SPIRE1: variants seen among roughly 807,000 people sequenced by gnomAD.
SPIRE1 encodes protein spire homolog 1.
In SPIRE1, 40 loss-of-function variants were observed where a neutral mutation model predicts 94.1. The observed-to-expected ratio is 0.43, with a 90% confidence interval of 0.33 to 0.55. SPIRE1 has a LOEUF of 0.55. Among genes scored for constraint, SPIRE1 ranks in the 20% least tolerant of loss-of-function variants. SPIRE1 has a pLI of 0.06. For synonymous variants in SPIRE1, 376 were observed against 371.7 expected, an observed-to-expected ratio of 1.01 and a Z score of -0.13; for missense variants, 838 against 975.2, an observed-to-expected ratio of 0.86 and a Z score of 1.87.
intron 8 of SPIRE1, among the ~76,000 whole-genome samples, 171 bp downstream of exon 8, chr18:12,492,901 T>C (rs2033288959): frequency 6.6e-6 from 1 of 151,940 alleles, no homozygotes; most frequent in South Asian, 2.1e-4. Context: ...GGTATGTATA[T>C]GAGAGAGTGA....
intron 4 of SPIRE1, among the ~76,000 whole-genome samples, chr18:12,531,634 T>C (rs369156605): frequency 1.9e-4 from 29 of 152,264 alleles, no homozygotes; most frequent in African/African-American, 6.5e-4. Context: ...ACAGGATTGT[T>C]ACAAGGATCA....
At chr18:12,466,369 C>T (rs1279064662) in intron 10 of SPIRE1, among the ~76,000 whole-genome samples, 3 of 152,030 alleles carry the variant, frequency 2.0e-5, no homozygotes, top group African/African-American at 2.4e-5. Flanking sequence ...CTCCGCCTCC[C>T]GGGCTCAAGC....
chr18:12,530,644 CAG>C (rs1259166197), intron 4 of SPIRE1, among the ~76,000 whole-genome samples: 1 of 152,042 alleles, frequency 6.6e-6, no homozygotes, highest in Non-Finnish European at 1.5e-5. Context: ...GATGAGTAAA[CAG>C]AAGTCTTGCA....
chr18:12,549,392 C>A (rs1269660088), intron 2 of SPIRE1, among the ~76,000 whole-genome samples: 1 of 150,142 alleles, frequency 6.7e-6, no homozygotes, highest in African/African-American at 2.4e-5. Flanking sequence ...CCATATAACC[C>A]TCCCCTTCTT....
chr18:12,595,712 AAGG>A (rs999566136), intron 2 of SPIRE1, among the ~76,000 whole-genome samples: 27 of 152,366 alleles, frequency 1.8e-4, no homozygotes, highest in African/African-American at 6.3e-4. Context: ...CTTGCCCTCA[AAGG>A]GCTCACAGCC....
At chr18:12,500,362 T>C (rs991303420) in intron 6 of SPIRE1, among the ~76,000 whole-genome samples, 1 of 152,124 alleles carries the variant, frequency 6.6e-6, no homozygotes, top group African/African-American at 2.4e-5. Context: ...TGAAAACATA[T>C]ATGACATTGT....
At chr18:12,522,982 T>C (rs552503668) in intron 4 of SPIRE1, among the ~76,000 whole-genome samples, 1 of 152,304 alleles carries the variant, frequency 6.6e-6, no homozygotes, top group East Asian at 1.9e-4. Context: ...AACTACATTT[T>C]GTAAGGCTAT....
At chr18:12,457,801 G>A (rs2031585399) in intron 12 of SPIRE1, among the ~76,000 whole-genome samples, 1 of 150,366 alleles carries the variant, frequency 6.7e-6, no homozygotes, top group Admixed American at 6.6e-5. Context: ...TTTGGTTATT[G>A]TGCCACAGAG....
intron 10 of SPIRE1, among the ~76,000 whole-genome samples, chr18:12,476,559 AAAAAAATAT>A (rs1318951227): frequency 2.5e-5 from 2 of 80,628 alleles, no homozygotes; most frequent in East Asian, 4.2e-4. Context: ...AAAAAAAAAA[AAAAAAATAT>A]ATATATATAT....
chr18:12,463,469 G>A lies in SPIRE1; in HGVS notation c.1520C>T (p.Ser507Leu). Residue 507 changes from serine (S) to leucine (L), a missense_variant, in exon 12 of 17, where the codon TCA (serine) becomes TTA (leucine). This residue lies in a region of SPIRE1 where 645 missense variants were observed against 804.7 expected (regional missense o/e 0.80). Coordinates refer to ENST00000409402, the MANE Select transcript of SPIRE1 (RefSeq NM_001128626.2). Reference sequence around the variant, plus strand: ...CCGTCTCTCTGGCTGGGGTGTTGATGATATGGGCAGGAATTTTGGAGGCTC... The same window carrying A: ...CCGTCTCTCTGGCTGGGGTGTTGATAATATGGGCAGGAATTTTGGAGGCTC... Reference protein sequence around the residue: ...RKKPPKFLPISSTPQPERRQP... With the variant: ...RKKPPKFLPILSTPQPERRQP... The A allele has an allele frequency of 6.2e-7, 1 of 1,613,558 alleles. No homozygotes were observed. Among genetic ancestry groups the A allele is most frequent in the Non-Finnish European group, 8.5e-7 (1 of 1,179,734 alleles).
chr18:12,506,554 T>C lies in SPIRE1; in HGVS notation c.895A>G (p.Ile299Val), dbSNP rs2033841185. ...TCATAAGGGGTGAGCTGATATTCAA[T>C]GGGCAAAGGGTTGTACTGCCGCTCT... ...VQERQYNPLP[I>V]EYQLTPYEML... is the part of the protein sequence containing the mutation. Residue 299 changes from isoleucine to valine, a missense_variant, in exon 6 of 17, where the codon ATT becomes GTT. Ile to Val is a conservative substitution (Grantham distance 29, BLOSUM62 3). Around this residue, in one of 2 missense-constraint regions of SPIRE1, gnomAD observed 645 missense variants for 804.7 expected, o/e 0.80. Transcript: ENST00000409402. 3 of 1,613,940 alleles carry C rather than the reference T, an allele frequency of 1.9e-6. No homozygotes were observed. Among genetic ancestry groups the C allele is most frequent in the Admixed American group, 1.7e-5 (1 of 59,988 alleles).
intron 2 of SPIRE1, among the ~76,000 whole-genome samples, chr18:12,582,765 C>T (rs1323252651): frequency 6.6e-6 from 1 of 152,168 alleles, no homozygotes; most frequent in South Asian, 2.1e-4. Flanking sequence ...TTCCAATGAT[C>T]AGCTGTTCAT....
chr18:12,464,141 CT>C (rs2143618309), intron 11 of SPIRE1, among the ~76,000 whole-genome samples: 1 of 152,270 alleles, frequency 6.6e-6, no homozygotes, highest in East Asian at 1.9e-4. Flanking sequence ...TATGATCCAT[CT>C]ATTTAGACTG....
intron 10 of SPIRE1, among the ~76,000 whole-genome samples, chr18:12,473,977 G>A (rs1484320675): frequency 2.6e-5 from 4 of 152,164 alleles, no homozygotes; most frequent in Non-Finnish European, 4.4e-5. Context: ...ATAAGATCAC[G>A]TATATATACA....
intron 10 of SPIRE1, 22 bp from the exon 11 acceptor site, chr18:12,464,980 A>G (rs1332423845): frequency 1.2e-6 from 2 of 1,608,236 alleles, no homozygotes; most frequent in Non-Finnish European, 1.7e-6. Flanking sequence ...ACAGGTGGAG[A>G]AATCGACTTC....
At chr18:12,638,329 A>G (rs953712185) in intron 1 of SPIRE1, among the ~76,000 whole-genome samples, 1 of 152,176 alleles carries the variant, frequency 6.6e-6, no homozygotes, top group Non-Finnish European at 1.5e-5. Context: ...CTGTAGTCCC[A>G]GCTACTCAGG....
rs57030414 is a variant in SPIRE1, at chr18:12,539,587, G to GCACACA, written c.604-3992_604-3987dup. Reference sequence around the variant, plus strand: ...CTTAAACATACACATACACACACACGCACACACACACACACACACACACAC... The same window carrying GCACACA: ...CTTAAACATACACATACACACACACGCACACACACACACACACACACACACACACAC... On this transcript the variant is annotated intron_variant, in intron 3 of 16. Transcript: ENST00000409402. Among the ~76,000 whole-genome samples the GCACACA allele has an allele frequency of 4.9e-3, 675 of 139,098 alleles. 6 individuals carry two copies. The highest frequency in any genetic ancestry group is 0.016 in the African/African-American group (616 of 38,804). The allele number at this position is 139,098 out of a possible 152,430, so 91.3% of individuals were successfully genotyped here. A position where few individuals can be genotyped will look rare whatever the true frequency, so the allele number is the denominator to read the frequency against.
At chr18:12,624,451 C>A (rs2037563537) in intron 2 of SPIRE1, among the ~76,000 whole-genome samples, 1 of 142,766 alleles carries the variant, frequency 7.0e-6, no homozygotes, top group Admixed American at 7.2e-5. Flanking sequence ...GCTGAGGCAG[C>A]AGAATTACTT....
intron 2 of SPIRE1, among the ~76,000 whole-genome samples, chr18:12,561,608 C>A (rs2035688381): frequency 6.6e-6 from 1 of 152,160 alleles, no homozygotes. Context: ...ACTATCATCA[C>A]CTCACATCAT....
Sources: allele counts gnomAD v4.1 joint callset (sites outside exome capture counted in the v4.1 genomes callset), GRCh38; gene constraint gnomAD v4.1.1; regional missense constraint gnomAD v4.1.1; transcripts MANE v1.5; gene names NCBI Gene and HGNC (gene_info 2026-07-23, HGNC 2026-07-21).